The following UBE2G1 variants were observed in gnomAD, a reference collection of about 807,000 sequenced individuals.
UBE2G1 encodes ubiquitin conjugating enzyme E2 G1, also known as ubiquitin-conjugating enzyme E2 G1.
A neutral mutation model predicts 22.7 loss-of-function variants in UBE2G1; 5 were observed. The ratio of observed to expected loss-of-function variants is 0.22; its 90% CI spans 0.12 to 0.46. The LOEUF (loss-of-function observed/expected upper bound fraction) is 0.46. UBE2G1 is among the 20% of genes least tolerant of loss of function. The pLI, the probability that UBE2G1 is intolerant of heterozygous loss-of-function variation, is 0.99. For synonymous variants in UBE2G1, 74 were observed against 67.5 expected, an observed-to-expected ratio of 1.10 and a Z score of -0.47; for missense variants, 88 against 203.9, an observed-to-expected ratio of 0.43 and a Z score of 3.46.
chr17:4,293,758 T>C (rs1350585350), intron 3 of UBE2G1, among the ~76,000 whole-genome samples: 2 of 152,246 alleles, frequency 1.3e-5, no homozygotes, highest in Non-Finnish European at 2.9e-5. Flanking sequence ...ATAATTATTT[T>C]TGTAAATGGC....
At chr17:4,338,732 G>A (rs1969677898) in intron 1 of UBE2G1, among the ~76,000 whole-genome samples, 1 of 152,204 alleles carries the variant, frequency 6.6e-6, no homozygotes, top group African/African-American at 2.4e-5. Flanking sequence ...AAAACAATTT[G>A]ATGATCTGGA....
At chr17:4,288,931 T>C (rs777073712) in intron 4 of UBE2G1, among the ~76,000 whole-genome samples, 2 of 151,970 alleles carry the variant, frequency 1.3e-5, no homozygotes, top group African/African-American at 4.8e-5. Context: ...TCGGAACAAT[T>C]TGGGAAGCCA....
chr17:4,280,765 C>T (rs763441407), intron 5 of UBE2G1, among the ~76,000 whole-genome samples: 1 of 151,810 alleles, frequency 6.6e-6, no homozygotes, highest in Non-Finnish European at 1.5e-5. Context: ...AGCCTCCTAA[C>T]TGGGACAACA....
intron 5 of UBE2G1, among the ~76,000 whole-genome samples, chr17:4,281,090 A>C (rs1224164800): frequency 6.6e-6 from 1 of 152,216 alleles, no homozygotes; most frequent in Non-Finnish European, 1.5e-5. Flanking sequence ...AGTACATGCA[A>C]ATCAGGAAAC....
Position 4,366,496 on chromosome 17 carries a change from C to T in UBE2G1, c.-180G>A, listed in dbSNP as rs924294157. On this transcript the variant is annotated 5_prime_UTR_variant, in exon 1 of 6. Coordinates refer to ENST00000396981, the MANE Select transcript of UBE2G1 (RefSeq NM_003342.5). Reference sequence around the variant, plus strand: ...CTCGCTGCCGGTGCGAGTCCGCTCGCTTCAGCTCTTTTCACAGCGACTCAC... The same window carrying T: ...CTCGCTGCCGGTGCGAGTCCGCTCGTTTCAGCTCTTTTCACAGCGACTCAC... The T allele has an allele frequency of 2.4e-5, 12 of 506,404 alleles. No individual in the cohort carries two copies. The highest frequency in any genetic ancestry group is 5.3e-4 in the Middle Eastern group (1 of 1,872). 31.4% of individuals were successfully genotyped at this position (506,404 alleles called of 1,614,324 possible).
chr17:4,303,763 T>C (rs1969217178), intron 2 of UBE2G1, among the ~76,000 whole-genome samples: 1 of 152,212 alleles, frequency 6.6e-6, no homozygotes, highest in South Asian at 2.1e-4. Context: ...AGAATGTAAT[T>C]CAGAGTTTTG....
At chr17:4,314,338 G>T (rs1433371602) in intron 1 of UBE2G1, among the ~76,000 whole-genome samples, 1 of 152,158 alleles carries the variant, frequency 6.6e-6, no homozygotes, top group Non-Finnish European at 1.5e-5. Flanking sequence ...GGCCTCCACT[G>T]GTCAAATATG....
At chr17:4,352,680 G>A (rs967963069) in intron 1 of UBE2G1, among the ~76,000 whole-genome samples, 6 of 152,126 alleles carry the variant, frequency 3.9e-5, no homozygotes, top group African/African-American at 1.4e-4. Context: ...AGGGGTGGGC[G>A]TGGTGGCTGT....
At chr17:4,327,432 A>G (rs1045710924) in intron 1 of UBE2G1, among the ~76,000 whole-genome samples, 1 of 152,154 alleles carries the variant, frequency 6.6e-6, no homozygotes, top group African/African-American at 2.4e-5. Context: ...AGATCACACC[A>G]CTGCACCCCA....
rs1191417581 is a variant in UBE2G1 at position 4,282,937 on chromosome 17, G to C, written c.427-16C>G. ...TCCATTCTTTCTGTAGATTAAAAAA[G>C]CAGTATCAAGTGATTTCATGCAAAC... On this transcript the variant is annotated splice_polypyrimidine_tract_variant and intron_variant, in intron 4 of 5. Coordinates refer to ENST00000396981, the MANE Select transcript of UBE2G1 (RefSeq NM_003342.5). 6.3e-7 allele frequency: 1 copy of C among 1,598,650 alleles called. No homozygotes were observed. Among genetic ancestry groups the C allele is most frequent in the Admixed American group, 1.7e-5 (1 of 58,948 alleles).
rs953371473 is a variant in UBE2G1 at position 4,338,125 on chromosome 17, G to A, written c.46+28146C>T. Among the ~76,000 whole-genome samples the A allele has an allele frequency of 6.0e-5, 9 of 151,118 alleles. No homozygotes were observed. The South Asian group carries it at 6.3e-4, about 11-fold the overall frequency. ...GCAGAGGTTGCAGTGAGCTCAGATC[G>A]CGCTACTGCACTGCAGCCTAGGCGA... On this transcript the variant is annotated intron_variant, in intron 1 of 5. Transcript: ENST00000396981.
intron 1 of UBE2G1, among the ~76,000 whole-genome samples, chr17:4,327,326 G>A (rs981203803): frequency 1.5e-4 from 23 of 151,446 alleles, no homozygotes; most frequent in African/African-American, 2.7e-4. Flanking sequence ...AAAAATAGCC[G>A]TAGTGGCGTA....
intron 2 of UBE2G1, among the ~76,000 whole-genome samples, chr17:4,302,994 C>T (rs188283702): frequency 6.6e-6 from 1 of 152,110 alleles, no homozygotes; most frequent in African/African-American, 2.4e-5. Flanking sequence ...AACAGAAAAA[C>T]ACAGGAGCTT....
At chr17:4,303,393 ATTT>A (rs909059737) in intron 2 of UBE2G1, among the ~76,000 whole-genome samples, 19 of 151,282 alleles carry the variant, frequency 1.3e-4, no homozygotes, top group Non-Finnish European at 1.9e-4. Context: ...GGAAAAAATA[ATTT>A]TTTTTTTGCT....
At chr17:4,283,602 T>C (rs1468300418) in intron 4 of UBE2G1, among the ~76,000 whole-genome samples, 2 of 151,894 alleles carry the variant, frequency 1.3e-5, no homozygotes, top group Non-Finnish European at 2.9e-5. Context: ...GGTAGATAGG[T>C]GGGATGCATC....
intron 5 of UBE2G1, among the ~76,000 whole-genome samples, chr17:4,273,499 C>G (rs2143663939): frequency 6.6e-6 from 1 of 152,160 alleles, no homozygotes; most frequent in African/African-American, 2.4e-5. Context: ...CACCACCATG[C>G]CCAGATAATT....
At chr17:4,357,749 G>A (rs1969923885) in intron 1 of UBE2G1, among the ~76,000 whole-genome samples, 1 of 151,810 alleles carries the variant, frequency 6.6e-6, no homozygotes, top group African/African-American at 2.4e-5. Context: ...ATCTAGCCAA[G>A]ATCCCACCAC....
chr17:4,325,193 A>G (rs1348832069), intron 1 of UBE2G1, among the ~76,000 whole-genome samples: 1 of 152,220 alleles, frequency 6.6e-6, no homozygotes, highest in Admixed American at 6.5e-5. Context: ...TCTGTATGAT[A>G]CTATAATGGT....
chr17:4,354,910 C>A (rs189412967), intron 1 of UBE2G1, among the ~76,000 whole-genome samples: 96 of 152,200 alleles, frequency 6.3e-4, no homozygotes, highest in Non-Finnish European at 1.0e-3. Flanking sequence ...GCACTCCAGC[C>A]TGGGTGACAG....
Sources: allele counts gnomAD v4.1 joint callset (sites outside exome capture counted in the v4.1 genomes callset), GRCh38; gene constraint gnomAD v4.1.1; transcripts MANE v1.5; gene names NCBI Gene and HGNC (gene_info 2026-07-23, HGNC 2026-07-21).